Variants in PDGFD observed in about 807,000 individuals in gnomAD.
PDGFD encodes the protein platelet derived growth factor D.
In PDGFD, 30 loss-of-function variants were observed where a neutral mutation model predicts 44.7. The observed-to-expected ratio is 0.67, with a 90% CI of 0.50 to 0.91. The LOEUF is 0.91. Ranked by LOEUF, PDGFD falls within the 40% of genes least tolerant of loss-of-function variation. The pLI, the probability that PDGFD is intolerant of heterozygous loss-of-function variation, is 0.00. For missense variants in PDGFD, 445 were observed against 457.8 expected, an observed-to-expected ratio of 0.97 and a Z score of 0.25; for synonymous variants, 173 against 168.4, an observed-to-expected ratio of 1.03 and a Z score of -0.21.
intron 1 of PDGFD, among the ~76,000 whole-genome samples, chr11:104,052,024 G>A (rs1019044770): frequency 3.9e-5 from 6 of 151,920 alleles, no homozygotes; most frequent in African/African-American, 9.7e-5. Flanking sequence ...CACATTCCCC[G>A]TTCCTCCTTG....
intron 1 of PDGFD, among the ~76,000 whole-genome samples, chr11:104,013,597 C>T (rs1179149878): frequency 6.6e-6 from 1 of 151,970 alleles, no homozygotes; most frequent in East Asian, 1.9e-4. Context: ...TCTGTCTTAG[C>T]CAGACCTAAC....
At chr11:104,155,596 T>C (rs2898026) in intron 1 of PDGFD, among the ~76,000 whole-genome samples, 66,453 of 152,050 alleles carry the variant, frequency 0.44, 14,621 homozygotes, top group East Asian at 0.61. Flanking sequence ...GGTGATGTAA[T>C]TATATGGAAA....
At chr11:103,994,486 C>T (rs1021095206) in intron 3 of PDGFD, among the ~76,000 whole-genome samples, 12 of 152,154 alleles carry the variant, frequency 7.9e-5, no homozygotes, top group Non-Finnish European at 1.0e-4. Flanking sequence ...ACCAGTGTTA[C>T]CGCATGTTAT....
At chr11:103,965,285 A>G (rs950656419) in intron 3 of PDGFD, among the ~76,000 whole-genome samples, 2 of 152,310 alleles carry the variant, frequency 1.3e-5, no homozygotes, top group Admixed American at 6.5e-5. Flanking sequence ...TAACCATAGG[A>G]TCTTTCCTTT....
intron 1 of PDGFD, among the ~76,000 whole-genome samples, chr11:104,109,695 T>C (rs780143898): frequency 6.6e-6 from 1 of 152,134 alleles, no homozygotes; most frequent in Non-Finnish European, 1.5e-5. Flanking sequence ...TGCTGTGAAC[T>C]ATTAGCTAAT....
intron 2 of PDGFD, 74 bp downstream of exon 2, chr11:103,999,977 A>C: frequency 7.6e-7 from 1 of 1,317,718 alleles, no homozygotes; most frequent in African/African-American, 1.5e-5. Context: ...GGAATGTTTG[A>C]TACGATGCTT....
rs1307958636 is a variant in PDGFD, at chr11:103,988,444, C to G, written c.510+7621G>C. On this transcript the variant is annotated intron_variant, in intron 3 of 6. Transcript: ENST00000393158. ...GTCATCTGCTCATATGATCAGCAAC[C>G]AGGGTTTATGAAGAAAATTACAGCA... is the stretch of plus-strand genomic sequence containing the variant. 1.3e-5 allele frequency among the ~76,000 whole-genome samples: 2 copies of G among 151,920 alleles called. 1 individual carries two copies. Among genetic ancestry groups the G allele is most frequent in the South Asian group, 4.1e-4 (2 of 4,824 alleles).
chr11:103,960,789 G>A (rs562462901), intron 3 of PDGFD, among the ~76,000 whole-genome samples: 123 of 152,218 alleles, frequency 8.1e-4, no homozygotes, highest in African/African-American at 2.7e-3. Context: ...GTCCAAGACC[G>A]GAGTGCTGAC....
At chr11:104,144,949 A>G (rs10895586) in intron 1 of PDGFD, among the ~76,000 whole-genome samples, 32,092 of 152,156 alleles carry the variant, frequency 0.21, 3,436 homozygotes, top group East Asian at 0.27. Flanking sequence ...AGTAAGATAC[A>G]ACTTTTACTA....
At chr11:103,978,401 G>A (rs1005294274) in intron 3 of PDGFD, among the ~76,000 whole-genome samples, 2 of 152,002 alleles carry the variant, frequency 1.3e-5, no homozygotes, top group Non-Finnish European at 2.9e-5. Context: ...AACGAAACAT[G>A]TAAGCTAGAA....
rs890840972 is a variant in PDGFD, at chr11:104,047,245, G to A, written c.125-46990C>T. ...TACTAGAATAATTTATAATTCTTTG[G>A]GTATATACCCAGTAATGGGATTACT... On this transcript the variant is annotated intron_variant, in intron 1 of 6. Transcript: ENST00000393158. 2.0e-5 allele frequency among the ~76,000 whole-genome samples: 3 copies of A among 147,180 alleles called. 1 individual carries two copies. Among genetic ancestry groups the A allele is most frequent in the Middle Eastern group, 6.5e-3 (2 of 308 alleles).
intron 1 of PDGFD, among the ~76,000 whole-genome samples, chr11:104,079,397 T>G (rs187132765): frequency 2.0e-5 from 3 of 152,298 alleles, no homozygotes; most frequent in African/African-American, 7.2e-5. Flanking sequence ...TTCTTTCTTT[T>G]TCTTTTTCGA....
At chr11:104,112,365 C>T (rs1183754547) in intron 1 of PDGFD, among the ~76,000 whole-genome samples, 1 of 151,836 alleles carries the variant, frequency 6.6e-6, no homozygotes, top group African/African-American at 2.4e-5. Context: ...CCTTTGCCCA[C>T]TTTTGAATGG....
At chr11:104,092,163 C>G (rs887219485) in intron 1 of PDGFD, among the ~76,000 whole-genome samples, 1 of 152,110 alleles carries the variant, frequency 6.6e-6, no homozygotes, top group African/African-American at 2.4e-5. Flanking sequence ...GTGCCAAAAT[C>G]TGAACCTGTG....
At chr11:103,924,781 G>A (rs1165021571) in intron 6 of PDGFD, among the ~76,000 whole-genome samples, 1 of 152,122 alleles carries the variant, frequency 6.6e-6, no homozygotes, top group Non-Finnish European at 1.5e-5. Flanking sequence ...TGTTTAGAGA[G>A]AACTACCTAT....
At chr11:104,147,581 G>A (rs1027475709) in intron 1 of PDGFD, among the ~76,000 whole-genome samples, 1 of 152,096 alleles carries the variant, frequency 6.6e-6, no homozygotes, top group African/African-American at 2.4e-5. Context: ...ATAGTCAGTG[G>A]CAGGACTGAA....
intron 5 of PDGFD, among the ~76,000 whole-genome samples, chr11:103,933,385 C>A (rs547602773): frequency 1.3e-5 from 2 of 152,176 alleles, no homozygotes; most frequent in Non-Finnish European, 2.9e-5. Context: ...CATTTCAATC[C>A]CAATGCAGAA....
intron 1 of PDGFD, among the ~76,000 whole-genome samples, chr11:104,123,350 C>A (rs1288124772): frequency 6.6e-6 from 1 of 151,934 alleles, no homozygotes; most frequent in Non-Finnish European, 1.5e-5. Flanking sequence ...ATAATACATT[C>A]TATTTCCTGG....
chr11:103,943,148 C>T (rs773438869), intron 5 of PDGFD, among the ~76,000 whole-genome samples: 5 of 152,058 alleles, frequency 3.3e-5, no homozygotes, highest in Non-Finnish European at 5.9e-5. Flanking sequence ...ACTGCTAATC[C>T]TTACTCATTA....
Sources: gnomAD v4.1 joint callset for allele counts (sites outside exome capture counted in the v4.1 genomes callset) on GRCh38, gnomAD v4.1.1 for gene constraint, MANE v1.5 for transcripts, NCBI Gene and HGNC (gene_info 2026-07-23, HGNC 2026-07-21) for gene names.